ZSWIM4: variants seen among roughly 807,000 people sequenced by gnomAD.
ZSWIM4 encodes the protein zinc finger SWIM domain-containing protein 4.
ZSWIM4 carries 62 observed loss-of-function variants against 102.5 expected under a neutral mutation model. The ratio of observed to expected loss-of-function variants is 0.60; its 90% CI spans 0.49 to 0.75. The LOEUF (loss-of-function observed/expected upper bound fraction) is 0.75. Among genes scored for constraint, ZSWIM4 ranks in the 30% least tolerant of loss-of-function variants. The pLI is 0.00. For missense variants in ZSWIM4, 1,280 were observed against 1,529.6 expected (o/e 0.84, Z 2.72); for synonymous variants, 652 against 674.5 (o/e 0.97, Z 0.52).
intron 2 of ZSWIM4, among the ~76,000 whole-genome samples, chr19:13,802,781 G>C (rs1234944552): frequency 1.3e-5 from 2 of 152,048 alleles, no homozygotes; most frequent in Non-Finnish European, 2.9e-5. Flanking sequence ...GTCTCACTCT[G>C]TTGCCCAGGC....
At chr19:13,807,795 G>A (rs981084077) in intron 3 of ZSWIM4, among the ~76,000 whole-genome samples, 2 of 129,854 alleles carry the variant, frequency 1.5e-5, no homozygotes, top group South Asian at 4.6e-4. Context: ...GGATGGATGG[G>A]TGTATGGGTG....
chr19:13,817,008 G>T (rs1218496608), intron 7 of ZSWIM4, among the ~76,000 whole-genome samples: 1 of 152,186 alleles, frequency 6.6e-6, no homozygotes, highest in African/African-American at 2.4e-5. Context: ...TCCAGAGGCT[G>T]CAGTGAGCTA....
intron 7 of ZSWIM4, among the ~76,000 whole-genome samples, chr19:13,815,658 G>A (rs562570285): frequency 1.3e-5 from 2 of 151,066 alleles, no homozygotes; most frequent in East Asian, 3.9e-4. Context: ...TTTTAGTAGA[G>A]ATGGGGTTTC....
In ZSWIM4 at chr19:13,814,609, C is replaced by T; in HGVS notation, c.1275C>T (p.Ala425=). ...CTGGAGAGCTACACTGGAATGACGC[C>T]TACCTGCAGAGGATCCTGGCCAGTG... The part of the protein sequence containing the change: ...LLAGELHWND[A]YLQRILASDS... Residue 425 remains alanine (A), a synonymous_variant, in exon 7 of 14, where the codon GCC becomes GCT. Transcript: ENST00000590508. 1.6e-6 allele frequency: 2 copies of T among 1,240,652 alleles called. No homozygotes were observed. Among genetic ancestry groups the T allele is most frequent in the Non-Finnish European group, 2.1e-6 (2 of 956,768 alleles). 76.9% of individuals were successfully genotyped at this position (1,240,652 alleles called of 1,614,324 possible). A position where few individuals can be genotyped will look rare whatever the true frequency, so the allele number is the denominator to read the frequency against.
At chr19:13,818,671 C>T (rs1196111466) in intron 9 of ZSWIM4, among the ~76,000 whole-genome samples, 1 of 151,206 alleles carries the variant, frequency 6.6e-6, no homozygotes, top group Non-Finnish European at 1.5e-5. Context: ...TCAAGTGATT[C>T]TTCTGCCTCA....
rs1485518180 is a variant in ZSWIM4 at position 13,831,055 on chromosome 19, C to A, written c.*5C>A. 1 of 1,566,644 alleles carries A rather than the reference C, an allele frequency of 6.4e-7. No individual in the cohort carries two copies. The highest frequency in any genetic ancestry group is 1.8e-5 in the Admixed American group (1 of 55,280). On this transcript the variant is annotated 3_prime_UTR_variant, in exon 14 of 14. Coordinates refer to ENST00000590508, the MANE Select transcript of ZSWIM4 (RefSeq NM_001367834.3). ...GTGCGGGAGCGTTTTGGTTGAGGGA[C>A]AGTGGGGTGCGTGGGAGTGGGGATC...
chr19:13,820,025 T>G (rs1599608467), intron 10 of ZSWIM4, among the ~76,000 whole-genome samples: 1 of 151,830 alleles, frequency 6.6e-6, no homozygotes, highest in Non-Finnish European at 1.5e-5. Flanking sequence ...CCGGCTAATT[T>G]TTTGTATTTT....
chr19:13,803,359 G>A (rs1016934440), intron 2 of ZSWIM4, among the ~76,000 whole-genome samples: 6 of 152,208 alleles, frequency 3.9e-5, no homozygotes, highest in Admixed American at 6.5e-5. Flanking sequence ...CGCCCCAAGC[G>A]CCACGGGTCT....
chr19:13,825,795 G>A lies in ZSWIM4; in HGVS notation c.2379+82G>A. On this transcript the variant is annotated intron_variant, in intron 12 of 13. Transcript: ENST00000590508. The surrounding 1 kb of genome is among the most constrained non-coding windows in gnomAD (Gnocchi z 4.6). ...TGTGAGCTGCGCCTCCCGGGGCATGGGCTGAGTGTGAGCCACTTCGCTGGG... is the reference window on the plus strand; with the variant it reads ...TGTGAGCTGCGCCTCCCGGGGCATGAGCTGAGTGTGAGCCACTTCGCTGGG... 1 of 1,495,712 alleles carries A rather than the reference G, an allele frequency of 6.7e-7. No individual in the cohort carries two copies. The highest frequency in any genetic ancestry group is 2.3e-4 in the Middle Eastern group (1 of 4,270). The allele number at this position is 1,495,712 out of a possible 1,614,324, so 92.7% of individuals were successfully genotyped here.
intron 2 of ZSWIM4, among the ~76,000 whole-genome samples, chr19:13,802,639 C>T (rs1232411585): frequency 1.3e-5 from 2 of 151,866 alleles, no homozygotes; most frequent in Admixed American, 6.6e-5. Flanking sequence ...AGTGCAGTGG[C>T]GCGATAATAG....
chr19:13,801,012 G>A (rs1345829276), intron 2 of ZSWIM4, among the ~76,000 whole-genome samples: 1 of 152,038 alleles, frequency 6.6e-6, no homozygotes, highest in Non-Finnish European at 1.5e-5. Context: ...GCATGGTGGC[G>A]GGTGCCTGTG....
rs1975762587 is a variant in ZSWIM4, at chr19:13,831,325, A to G, written c.*275A>G. Reference sequence around the variant, plus strand: ...GGTATGACCCCACTTTGGGCACCCCAAAAGCAATAGGCAAACTCCCCTTAC... The same window carrying G: ...GGTATGACCCCACTTTGGGCACCCCGAAAGCAATAGGCAAACTCCCCTTAC... On this transcript the variant is annotated 3_prime_UTR_variant, in exon 14 of 14. Transcript: ENST00000590508. The G allele has an allele frequency of 9.8e-6, 4 of 410,080 alleles. No individual in the cohort carries two copies. In the East Asian group the frequency reaches 1.7e-4, roughly 17 times the overall value. 25.4% of individuals were successfully genotyped at this position (410,080 alleles called of 1,614,324 possible).
At chr19:13,818,065 G>C (rs1026166433) in intron 9 of ZSWIM4, 89 bp downstream of exon 9, 3 of 1,420,460 alleles carry the variant, frequency 2.1e-6, no homozygotes, top group Admixed American at 3.0e-5. Flanking sequence ...CAGATGGGAG[G>C]CCCCGCCCCA....
Position 13,809,832 on chromosome 19 carries a change from C to T in ZSWIM4, c.1012+612C>T, listed in dbSNP as rs1311542910. On this transcript the variant is annotated intron_variant, in intron 5 of 13. Coordinates refer to ENST00000590508, the MANE Select transcript of ZSWIM4 (RefSeq NM_001367834.3). This position sits in a 1 kb window ranked among gnomAD's most constrained non-coding sequence, Gnocchi z 4.2. Reference sequence around the variant, plus strand: ...TTTAGAGACAGGATCTCACTGTGCGCCCAGGCTGAAGTACAGTGGCACAGT... The same window carrying T: ...TTTAGAGACAGGATCTCACTGTGCGTCCAGGCTGAAGTACAGTGGCACAGT... Among the ~76,000 whole-genome samples, 1 of 152,010 alleles carries T rather than the reference C, an allele frequency of 6.6e-6. No homozygotes were observed. The highest frequency in any genetic ancestry group is 1.5e-5 in the Non-Finnish European group (1 of 68,006).
chr19:13,823,795 A>G (rs1423767961), intron 11 of ZSWIM4, among the ~76,000 whole-genome samples: 1 of 152,234 alleles, frequency 6.6e-6, no homozygotes, highest in Non-Finnish European at 1.5e-5. Context: ...ACATTTAAGC[A>G]GAGACCTGAA....
intron 7 of ZSWIM4, among the ~76,000 whole-genome samples, chr19:13,816,497 C>T (rs920388283): frequency 3.3e-5 from 5 of 152,006 alleles, no homozygotes; most frequent in African/African-American, 1.2e-4. Flanking sequence ...TGTGGTGGCA[C>T]GTACCTGTAT....
chr19:13,813,121 C>T lies in ZSWIM4; in HGVS notation c.1137C>T (p.Ser379=). The T allele has an allele frequency of 6.2e-7, 1 of 1,613,826 alleles. No homozygotes were observed. Among genetic ancestry groups the T allele is most frequent in the Non-Finnish European group, 8.5e-7 (1 of 1,179,856 alleles). ...GCCCACTGGAAGAGGGCAACTACTC[C>T]TTCGACGGCCCCAGCCTGCAGCCCA... The part of the protein sequence containing the change: ...DVCPLEEGNY[S]FDGPSLQPTM... The change falls in exon 6 of 14, where the codon TCC becomes TCT. Residue 379 remains serine, a synonymous_variant. Transcript: ENST00000590508.
intron 9 of ZSWIM4, 27 bp downstream of exon 9, chr19:13,818,003 G>A: frequency 6.8e-7 from 1 of 1,468,758 alleles, no homozygotes; most frequent in Non-Finnish European, 9.0e-7. Flanking sequence ...AGGCCTGGCT[G>A]TTGCTGAAGG....
At chr19:13,803,374 C>T (rs955678606) in intron 2 of ZSWIM4, among the ~76,000 whole-genome samples, 3 of 152,224 alleles carry the variant, frequency 2.0e-5, no homozygotes, top group African/African-American at 7.2e-5. Flanking sequence ...GGGTCTTTGG[C>T]ATTTTCTCAG....
Sources: gnomAD v4.1 joint callset for allele counts (sites outside exome capture counted in the v4.1 genomes callset) on GRCh38, gnomAD v4.1.1 for gene constraint, Gnocchi (gnomAD v3.1) non-coding constraint, MANE v1.5 for transcripts, NCBI Gene and HGNC (gene_info 2026-07-23, HGNC 2026-07-21) for gene names.